DCDC2: variants seen among roughly 807,000 people sequenced by gnomAD.
The protein encoded by DCDC2 is doublecortin domain containing 2.
DCDC2 carries 40 observed loss-of-function variants against 50.2 expected under a neutral mutation model. The observed-to-expected ratio is 0.80, with a 90% CI of 0.62 to 1.04. The LOEUF (loss-of-function observed/expected upper bound fraction) is 1.04, where lower values mean the gene tolerates loss of function less well. Among genes scored for constraint, DCDC2 ranks in the 50% least tolerant of loss-of-function variants. DCDC2 has a pLI of 0.00. For missense variants in DCDC2, 570 were observed against 581.9 expected (o/e 0.98, Z 0.21); for synonymous variants, 234 against 210.6 (o/e 1.11, Z -0.96).
intron 7 of DCDC2, among the ~76,000 whole-genome samples, chr6:24,216,328 G>GA (rs539779823): frequency 0.013 from 1,855 of 147,972 alleles, 33 homozygotes; most frequent in African/African-American, 0.04. Context: ...AAGGTAACAG[G>GA]AAAAAAAAAA....
At chr6:24,364,865 T>C in the DCDC2 span, among the ~76,000 whole-genome samples, 1 of 152,142 alleles carries the variant, frequency 6.6e-6, no homozygotes, top group South Asian at 2.1e-4. Flanking sequence ...TCTTAGCCAG[T>C]ATTGAGTTTT....
intron 9 of DCDC2, 128 bp downstream of exon 9, chr6:24,178,202 A>T (rs1216493969): frequency 3.3e-6 from 3 of 901,848 alleles, no homozygotes; most frequent in Non-Finnish European, 5.1e-6. Context: ...ATGGTATTGG[A>T]TCTTTCCTAC....
chr6:24,337,988 C>G (rs953571816), intron 2 of DCDC2, among the ~76,000 whole-genome samples: 20 of 151,620 alleles, frequency 1.3e-4, no homozygotes, highest in African/African-American at 4.8e-4. Flanking sequence ...ACTGAATGAT[C>G]ATCTTTTAAT....
chr6:24,172,222 C>T lies in DCDC2; in HGVS notation c.*2508G>A, dbSNP rs939350021. 2 of 152,092 alleles carry T rather than the reference C, an allele frequency of 1.3e-5. No individual in the cohort carries two copies. Among genetic ancestry groups the T allele is most frequent in the East Asian group, 1.9e-4 (1 of 5,198 alleles). The allele number at this position is 152,092 out of a possible 1,614,324, so 9.4% of individuals were successfully genotyped here. The stretch of plus-strand genomic sequence containing the variant: ...AATGGTTTTTTCCTTGGCTAGGCAC[C>T]TTTTTTTAGTAACATGTTTGCAAAG... On this transcript the variant is annotated 3_prime_UTR_variant, in exon 10 of 10. Coordinates refer to ENST00000378454, the MANE Select transcript of DCDC2 (RefSeq NM_016356.5).
chr6:24,184,163 C>G (rs1581572903), intron 8 of DCDC2, among the ~76,000 whole-genome samples: 2 of 152,196 alleles, frequency 1.3e-5, no homozygotes, highest in African/African-American at 4.8e-5. Context: ...GTCCTAGTAT[C>G]TTTCCTTAAA....
chr6:24,363,126 A>G, the DCDC2 span, among the ~76,000 whole-genome samples: 1 of 152,156 alleles, frequency 6.6e-6, no homozygotes, highest in Admixed American at 6.5e-5. Flanking sequence ...GCTTCTTCCT[A>G]AGTATATGAA....
chr6:24,180,020 T>C (rs78991398), intron 8 of DCDC2, among the ~76,000 whole-genome samples: 1,662 of 151,604 alleles, frequency 0.011, 32 homozygotes, highest in African/African-American at 0.038. Context: ...GCCAAGACTT[T>C]GGAGAAAAAC....
rs368547685 is a variant in DCDC2, at chr6:24,198,661, G to A, written c.1023+6341C>T. Among the ~76,000 whole-genome samples the A allele has an allele frequency of 1.5e-4, 23 of 151,766 alleles. No homozygotes were observed. The East Asian group carries it at 1.9e-3, about 13-fold the overall frequency. ...CCTGGAATGCCAGTGAGAATGAACC[G>A]TTCACTCCCCTGGAAAGGGGGCTGA... On this transcript the variant is annotated intron_variant, in intron 8 of 9. Transcript: ENST00000378454.
intron 8 of DCDC2, among the ~76,000 whole-genome samples, chr6:24,185,178 G>A (rs527556415): frequency 6.6e-6 from 1 of 151,904 alleles, no homozygotes; most frequent in Non-Finnish European, 1.5e-5. Flanking sequence ...TAATGCAAAC[G>A]GCTGGTATAT....
At chr6:24,270,434 T>C (rs887654088) in intron 7 of DCDC2, among the ~76,000 whole-genome samples, 2 of 152,156 alleles carry the variant, frequency 1.3e-5, no homozygotes, top group African/African-American at 2.4e-5. Flanking sequence ...TTAATTTCAA[T>C]TGTCACCATA....
In DCDC2 at chr6:24,302,013, A is replaced by G. The variant is rs1439438193; in HGVS notation, c.380T>C (p.Val127Ala). ...VKPVIHSRIN[V>A]SARFRKPLQE... ...AAGCGGTTTTCTAAAGCGAGCTGACACGTTGATCCTGCTATGGATTACTGG... is the reference window on the plus strand; with the variant it reads ...AAGCGGTTTTCTAAAGCGAGCTGACGCGTTGATCCTGCTATGGATTACTGG... The change falls in exon 3 of 10, where the codon GTG (valine) becomes GCG (alanine). Residue 127 changes from valine (V) to alanine (A), a missense_variant. Physicochemically the swap from Val to Ala is moderately conservative, Grantham distance 64 (BLOSUM62 0). Coordinates refer to ENST00000378454, the MANE Select transcript of DCDC2 (RefSeq NM_016356.5). 6.2e-7 allele frequency: 1 copy of G among 1,614,120 alleles called. No individual in the cohort carries two copies. Among genetic ancestry groups the G allele is most frequent in the East Asian group, 2.2e-5 (1 of 44,878 alleles).
At chr6:24,187,084 C>A (rs1401856786) in intron 8 of DCDC2, among the ~76,000 whole-genome samples, 1 of 152,098 alleles carries the variant, frequency 6.6e-6, no homozygotes. Flanking sequence ...CTAATACCTT[C>A]CCTCCCCAGC....
intron 7 of DCDC2, among the ~76,000 whole-genome samples, chr6:24,236,370 G>A (rs1375999670): frequency 1.3e-5 from 2 of 152,108 alleles, no homozygotes; most frequent in Non-Finnish European, 2.9e-5. Flanking sequence ...GGGAAAGCTG[G>A]CTTTTACCAT....
the DCDC2 span, among the ~76,000 whole-genome samples, chr6:24,369,140 A>AAAAAAAAAAAAAAAAC: frequency 1.3e-5 from 2 of 150,944 alleles, no homozygotes; most frequent in African/African-American, 4.9e-5. Context: ...TCTCAAAAAA[A>AAAAAAAAAAAAAAAAC]AAAAAAAAAA....
intron 7 of DCDC2, among the ~76,000 whole-genome samples, chr6:24,258,170 G>A (rs112755436): frequency 0.039 from 5,897 of 152,096 alleles, 338 homozygotes; most frequent in African/African-American, 0.13. Flanking sequence ...AAGGTGGTGC[G>A]GACCCAAAGA....
At chr6:24,363,627 G>A in the DCDC2 span, among the ~76,000 whole-genome samples, 1 of 152,138 alleles carries the variant, frequency 6.6e-6, no homozygotes, top group Non-Finnish European at 1.5e-5. Flanking sequence ...GTAATACTGT[G>A]CTAAAACCAG....
intron 7 of DCDC2, among the ~76,000 whole-genome samples, chr6:24,274,605 CAAAAAAAAAAAA>C (rs61569208): frequency 1.2e-5 from 1 of 82,402 alleles, no homozygotes; most frequent in African/African-American, 4.6e-5. Context: ...GAAACAGAGT[CAAAAAAAAAAAA>C]AAAAAAAAAA....
chr6:24,253,877 AC>A (rs1277862403), intron 7 of DCDC2, among the ~76,000 whole-genome samples: 1 of 152,178 alleles, frequency 6.6e-6, no homozygotes, highest in African/African-American at 2.4e-5. Flanking sequence ...TATTAAAATC[AC>A]TTGTTTCTTC....
At chr6:24,312,111 G>A (rs1304536259) in intron 2 of DCDC2, among the ~76,000 whole-genome samples, 3 of 151,520 alleles carry the variant, frequency 2.0e-5, no homozygotes, top group African/African-American at 4.9e-5. Flanking sequence ...GCTCCCCACC[G>A]AGCACCTTGT....
Sources: gnomAD v4.1 joint callset for allele counts (sites outside exome capture counted in the v4.1 genomes callset) on GRCh38, gnomAD v4.1.1 for gene constraint, MANE v1.5 for transcripts, NCBI Gene and HGNC (gene_info 2026-07-23, HGNC 2026-07-21) for gene names.